The following FMN1 variants were observed in gnomAD, a reference collection of about 807,000 sequenced individuals.
FMN1 encodes the protein formin 1, also known as formin-1.
Under a neutral mutation model 132.4 loss-of-function variants are expected in FMN1, and 110 were observed. The observed-to-expected ratio is 0.83, with a 90% CI of 0.71 to 0.97. The LOEUF (loss-of-function observed/expected upper bound fraction) is 0.97, where lower values mean the gene tolerates loss of function less well. Among genes scored for constraint, FMN1 ranks in the 50% least tolerant of loss-of-function variants. The probability of loss-of-function intolerance (pLI) is 0.00; values close to 1 mark genes in which losing one functional copy is unlikely to be tolerated. For missense variants in FMN1, 1,792 were observed against 1,705.3 expected (o/e 1.05, Z -0.90); for synonymous variants, 722 against 651.7 (o/e 1.11, Z -1.64).
intron 7 of FMN1, among the ~76,000 whole-genome samples, chr15:32,978,021 T>A (rs559421645): frequency 6.6e-6 from 1 of 152,084 alleles, no homozygotes; most frequent in African/African-American, 2.4e-5. Flanking sequence ...CACGCCCTGC[T>A]GATTTTTTTA....
chr15:33,005,798 C>A (rs914820666), intron 7 of FMN1, among the ~76,000 whole-genome samples: 1 of 152,134 alleles, frequency 6.6e-6, no homozygotes, highest in African/African-American at 2.4e-5. Flanking sequence ...TATCCCCTAC[C>A]AATTTCAGTT....
intron 8 of FMN1, among the ~76,000 whole-genome samples, chr15:32,965,274 C>T (rs2031091717): frequency 6.6e-6 from 1 of 151,958 alleles, no homozygotes; most frequent in Admixed American, 6.6e-5. Context: ...GTGGTGGGTG[C>T]CTGTAATCCT....
intron 6 of FMN1, among the ~76,000 whole-genome samples, chr15:33,037,995 G>A (rs2036262939): frequency 6.6e-6 from 1 of 152,212 alleles, no homozygotes; most frequent in Non-Finnish European, 1.5e-5. Flanking sequence ...GGCCAAGGCA[G>A]GCAGATCACT....
At chr15:32,857,720 A>G (rs1343015713) in intron 16 of FMN1, among the ~76,000 whole-genome samples, 1 of 152,208 alleles carries the variant, frequency 6.6e-6, no homozygotes, top group Non-Finnish European at 1.5e-5. Flanking sequence ...TACTTCAGAT[A>G]GACTATCTAA....
intron 15 of FMN1, among the ~76,000 whole-genome samples, chr15:32,889,145 G>A (rs1003936524): frequency 6.6e-6 from 1 of 152,126 alleles, no homozygotes; most frequent in African/African-American, 2.4e-5. Flanking sequence ...AAAAGCTTTT[G>A]CAAATGTTGT....
chr15:33,067,850 T>G (rs781149536), intron 5 of FMN1: 3 of 1,613,324 alleles, frequency 1.9e-6, no homozygotes, highest in Non-Finnish European at 2.5e-6. Flanking sequence ...TTCTGACACA[T>G]CACTGCCATC....
intron 4 of FMN1, among the ~76,000 whole-genome samples, chr15:33,128,546 A>T (rs1963347223): frequency 6.6e-6 from 1 of 152,252 alleles, no homozygotes; most frequent in Non-Finnish European, 1.5e-5. Context: ...AAGTAAACAC[A>T]TACCGAGTCC....
rs1002531727 is a variant in FMN1 at position 32,772,288 on chromosome 15, T to G, written c.*2022A>C. The G allele has an allele frequency of 6.6e-6, 1 of 152,156 alleles. No homozygotes were observed. The highest frequency in any genetic ancestry group is 1.5e-5 in the Non-Finnish European group (1 of 68,060). The allele number at this position is 152,156 out of a possible 1,614,324, so 9.4% of individuals were successfully genotyped here. On this transcript the variant is annotated 3_prime_UTR_variant, in exon 21 of 21. Coordinates refer to ENST00000616417, the MANE Select transcript of FMN1 (RefSeq NM_001277313.2). Reference sequence around the variant, plus strand: ...ACAGACCAAAGTGGACTGCAATGAGTACACCTCAAACCTCCCGCTGCTCTC... The same window carrying G: ...ACAGACCAAAGTGGACTGCAATGAGGACACCTCAAACCTCCCGCTGCTCTC...
intron 17 of FMN1, among the ~76,000 whole-genome samples, chr15:32,830,039 T>C (rs971101278): frequency 6.6e-6 from 1 of 152,208 alleles, no homozygotes; most frequent in Non-Finnish European, 1.5e-5. Flanking sequence ...TTTAATGTCT[T>C]CTTTATTTTT....
chr15:32,974,094 C>T (rs2032008492), intron 7 of FMN1, among the ~76,000 whole-genome samples: 1 of 152,178 alleles, frequency 6.6e-6, no homozygotes, highest in Non-Finnish European at 1.5e-5. Flanking sequence ...AACAAAATGC[C>T]TTTATATCCT....
At chr15:33,052,539 G>A (rs1261891898) in intron 6 of FMN1, among the ~76,000 whole-genome samples, 2 of 151,974 alleles carry the variant, frequency 1.3e-5, no homozygotes, top group South Asian at 2.1e-4. Context: ...TCAACTGGGT[G>A]TCCTACAATT....
At chr15:33,011,847 CTTA>C (rs1371898617) in intron 6 of FMN1, among the ~76,000 whole-genome samples, 2 of 152,068 alleles carry the variant, frequency 1.3e-5, no homozygotes, top group Non-Finnish European at 1.5e-5. Flanking sequence ...AAAGGTGCTC[CTTA>C]TTAGTAATCA....
chr15:33,146,115 A>G (rs962613712), intron 4 of FMN1, among the ~76,000 whole-genome samples: 2 of 151,874 alleles, frequency 1.3e-5, no homozygotes, highest in African/African-American at 4.8e-5. Flanking sequence ...AACTGGGACT[A>G]TACCATGAAT....
chr15:33,023,789 A>C (rs1197599593), intron 6 of FMN1, among the ~76,000 whole-genome samples: 1 of 152,222 alleles, frequency 6.6e-6, no homozygotes, highest in East Asian at 1.9e-4. Context: ...AACATATGGA[A>C]ACATAATACG....
At chr15:32,884,480 GC>G (rs767454692) in intron 16 of FMN1, among the ~76,000 whole-genome samples, 1 of 152,132 alleles carries the variant, frequency 6.6e-6, no homozygotes, top group Non-Finnish European at 1.5e-5. Flanking sequence ...ATTAGATTAG[GC>G]CCACTTGGAC....
chr15:33,090,344 C>G (rs774633918), intron 4 of FMN1, among the ~76,000 whole-genome samples: 2 of 152,096 alleles, frequency 1.3e-5, no homozygotes, highest in Non-Finnish European at 2.9e-5. Context: ...AAAGGAACTG[C>G]GAGATAGCAT....
intron 4 of FMN1, among the ~76,000 whole-genome samples, chr15:33,125,538 G>A (rs1403101435): frequency 3.9e-5 from 6 of 152,044 alleles, no homozygotes; most frequent in Non-Finnish European, 8.8e-5. Flanking sequence ...CTAAATTACA[G>A]CTTAAAAAAA....
At chr15:32,926,564 T>C (rs1184349108) in intron 9 of FMN1, among the ~76,000 whole-genome samples, 1 of 152,228 alleles carries the variant, frequency 6.6e-6, no homozygotes, top group Non-Finnish European at 1.5e-5. Flanking sequence ...AGCATCAAGA[T>C]GTACAGAATG....
intron 9 of FMN1, among the ~76,000 whole-genome samples, chr15:32,928,124 C>T (rs1596292902): frequency 6.6e-6 from 1 of 152,000 alleles, no homozygotes; most frequent in South Asian, 2.1e-4. Context: ...AGAATGGCTA[C>T]TTTCATATAA....
Sources: gnomAD v4.1 joint callset for allele counts (sites outside exome capture counted in the v4.1 genomes callset) on GRCh38, gnomAD v4.1.1 for gene constraint, MANE v1.5 for transcripts, NCBI Gene and HGNC (gene_info 2026-07-23, HGNC 2026-07-21) for gene names.